DENND1A: variants seen among roughly 807,000 people sequenced by gnomAD.
The protein encoded by DENND1A is DENN domain containing 1A.
Under a neutral mutation model 113.7 loss-of-function variants are expected in DENND1A, and 51 were observed. The observed-to-expected ratio is 0.45, with a 90% CI of 0.36 to 0.57. DENND1A has a LOEUF of 0.57. Ranked by LOEUF, DENND1A falls within the 20% of genes least tolerant of loss-of-function variation. The pLI is 0.00. For missense variants in DENND1A, 1,258 were observed against 1,395.9 expected (o/e 0.90, Z 1.57); for synonymous variants, 565 against 570.8 (o/e 0.99, Z 0.14).
intron 11 of DENND1A, among the ~76,000 whole-genome samples, chr9:123,586,701 C>T (rs2059182299): frequency 6.6e-6 from 1 of 152,108 alleles, no homozygotes; most frequent in African/African-American, 2.4e-5. Flanking sequence ...AGTGCCCGGT[C>T]CCCCAAAGGA....
intron 1 of DENND1A, among the ~76,000 whole-genome samples, chr9:123,911,306 C>T (rs1022634791): frequency 6.6e-5 from 10 of 152,102 alleles, no homozygotes; most frequent in Admixed American, 5.9e-4. Flanking sequence ...ACAAGTGGAA[C>T]TGTCATATAT....
intron 19 of DENND1A, among the ~76,000 whole-genome samples, chr9:123,420,310 G>A (rs528182692): frequency 3.7e-4 from 56 of 152,340 alleles, no homozygotes; most frequent in African/African-American, 1.3e-3. Flanking sequence ...CAAAGGCACA[G>A]CACATAGGTA....
Position 123,381,684 on chromosome 9 carries a change from C to A in DENND1A, c.2961G>T (p.Leu987=). The A allele has an allele frequency of 1.3e-6, 2 of 1,582,486 alleles. No homozygotes were observed. The highest frequency in any genetic ancestry group is 1.7e-6 in the Non-Finnish European group (2 of 1,164,226). The change falls in exon 24 of 24, where the codon CTG becomes CTT. Residue 987 remains leucine, a synonymous_variant. Coordinates refer to ENST00000394215, the MANE Select transcript of DENND1A (RefSeq NM_001352964.2). This position sits in a 1 kb window ranked among gnomAD's most constrained non-coding sequence, Gnocchi z 4.7. ...VAPSRIRTLP[L]ARSSARAAET... is the part of the protein sequence containing the mutation. ...CAGCAGCCCTGGCACTTGAGCGGGC[C>A]AGGGGCAACGTTCGGATCCTCGACG...
At chr9:123,672,328 G>T (rs543648494) in intron 6 of DENND1A, among the ~76,000 whole-genome samples, 2 of 152,232 alleles carry the variant, frequency 1.3e-5, no homozygotes, top group South Asian at 2.1e-4. Context: ...GGAGAGAGAT[G>T]AACTTGTGGG....
chr9:123,495,609 A>G (rs1564598992), intron 13 of DENND1A, among the ~76,000 whole-genome samples: 1 of 152,240 alleles, frequency 6.6e-6, no homozygotes, highest in Non-Finnish European at 1.5e-5. Flanking sequence ...CCACCGATCA[A>G]TATGAAGCAA....
intron 13 of DENND1A, among the ~76,000 whole-genome samples, chr9:123,506,580 CAAAAA>C (rs10542393): frequency 8.4e-4 from 62 of 73,912 alleles, no homozygotes; most frequent in African/African-American, 2.6e-3. Context: ...GACTCTGTCT[CAAAAA>C]AAAAAAAAAA....
intron 4 of DENND1A, among the ~76,000 whole-genome samples, chr9:123,761,209 C>T (rs1370422992): frequency 6.6e-6 from 1 of 152,182 alleles, no homozygotes; most frequent in Non-Finnish European, 1.5e-5. Flanking sequence ...GGTTCAAATC[C>T]CAACTCAATC....
At chr9:123,585,485 C>T (rs2059119829) in intron 11 of DENND1A, among the ~76,000 whole-genome samples, 1 of 152,212 alleles carries the variant, frequency 6.6e-6, no homozygotes, top group African/African-American at 2.4e-5. Flanking sequence ...TCATATTTTA[C>T]AGCGCTTTTG....
chr9:123,514,098 A>ATGTG (rs752553818), intron 13 of DENND1A, among the ~76,000 whole-genome samples: 50 of 62,240 alleles, frequency 8.0e-4, no homozygotes, highest in African/African-American at 2.3e-3. Context: ...GTGTGTGTGT[A>ATGTG]TGTGTGTGTG....
intron 5 of DENND1A, among the ~76,000 whole-genome samples, chr9:123,710,108 C>T (rs1224713839): frequency 6.6e-6 from 1 of 152,172 alleles, no homozygotes; most frequent in East Asian, 1.9e-4. Flanking sequence ...TGATGACGTC[C>T]AAATTTCCAA....
At chr9:123,847,781 A>G (rs1363125013) in intron 2 of DENND1A, among the ~76,000 whole-genome samples, 1 of 152,176 alleles carries the variant, frequency 6.6e-6, no homozygotes, top group Non-Finnish European at 1.5e-5. Flanking sequence ...CCGAAAATAC[A>G]GAAATTAGCT....
chr9:123,393,153 G>T (rs1364135245), intron 21 of DENND1A, among the ~76,000 whole-genome samples: 1 of 152,162 alleles, frequency 6.6e-6, no homozygotes, highest in Non-Finnish European at 1.5e-5. Flanking sequence ...AGTCTTATGG[G>T]AAAACTTAAA....
chr9:123,502,302 TCCCTCTAGAGAA>T (rs1388624342), intron 13 of DENND1A, among the ~76,000 whole-genome samples: 1 of 139,134 alleles, frequency 7.2e-6, no homozygotes, highest in Non-Finnish European at 1.6e-5. Context: ...GTTAGTTCTG[TCCCTCTAGAGAA>T]CCCTAATACA....
intron 2 of DENND1A, among the ~76,000 whole-genome samples, chr9:123,860,746 G>A (rs183934006): frequency 7.9e-5 from 12 of 152,248 alleles, no homozygotes; most frequent in South Asian, 2.1e-4. Context: ...CTAAGCATGC[G>A]GAACAAAACA....
intron 5 of DENND1A, among the ~76,000 whole-genome samples, chr9:123,756,201 C>G (rs1195615090): frequency 6.6e-6 from 1 of 152,126 alleles, no homozygotes; most frequent in Non-Finnish European, 1.5e-5. Flanking sequence ...CGTGAGCTAC[C>G]GTGCCCGGCC....
intron 15 of DENND1A, among the ~76,000 whole-genome samples, chr9:123,455,834 C>G (rs367670189): frequency 2.0e-5 from 3 of 152,226 alleles, no homozygotes; most frequent in African/African-American, 7.2e-5. Context: ...ACCGTTAGAA[C>G]ACAACTCCAG....
At chr9:123,923,516 C>A (rs186827012) in intron 1 of DENND1A, among the ~76,000 whole-genome samples, 40 of 152,178 alleles carry the variant, frequency 2.6e-4, no homozygotes, top group Non-Finnish European at 4.9e-4. Context: ...CAGAGAGATA[C>A]GTTAGTTGTG....
intron 3 of DENND1A, among the ~76,000 whole-genome samples, chr9:123,785,185 T>A (rs971816071): frequency 1.3e-5 from 2 of 149,736 alleles, no homozygotes; most frequent in Non-Finnish European, 3.0e-5. Context: ...TAAAAAAAGA[T>A]TTTTTTTTTA....
intron 13 of DENND1A, among the ~76,000 whole-genome samples, chr9:123,470,813 GAATT>G (rs1249187813): frequency 1.3e-5 from 2 of 152,130 alleles, no homozygotes; most frequent in African/African-American, 4.8e-5. Context: ...TTAATTGTCA[GAATT>G]ATTTATTAGC....
Sources: allele counts gnomAD v4.1 joint callset (sites outside exome capture counted in the v4.1 genomes callset), GRCh38; gene constraint gnomAD v4.1.1; non-coding constraint Gnocchi (gnomAD v3.1); transcripts MANE v1.5; gene names NCBI Gene and HGNC (gene_info 2026-07-23, HGNC 2026-07-21).